ZNF529: variants seen among roughly 807,000 people sequenced by gnomAD.
The protein encoded by ZNF529 is zinc finger protein 529.
Under a neutral mutation model 10.1 loss-of-function variants are expected in ZNF529, and 11 were observed. The observed-to-expected ratio is 1.09, with a 90% CI of 0.69 to 1.81. ZNF529 has a LOEUF of 1.81. Among genes scored for constraint, ZNF529 ranks in the 40% most tolerant of loss-of-function variants. The pLI is 0.00. For synonymous variants in ZNF529, 204 were observed against 215.7 expected (o/e 0.95, Z 0.47); for missense variants, 624 against 666.8 (o/e 0.94, Z 0.71).
intron 1 of ZNF529, among the ~76,000 whole-genome samples, chr19:36,595,601 G>C (rs1358216876): frequency 2.0e-5 from 3 of 151,766 alleles, no homozygotes; most frequent in Admixed American, 6.6e-5. Flanking sequence ...TGGAGGTTGA[G>C]CTACTTGAAC....
chr19:36,553,667 T>C (rs1312772061), intron 4 of ZNF529, among the ~76,000 whole-genome samples: 3 of 152,226 alleles, frequency 2.0e-5, no homozygotes, highest in Non-Finnish European at 2.9e-5. Context: ...TTAACGATTA[T>C]AACAAATCAG....
At chr19:36,593,915 C>T (rs2036782377) in intron 1 of ZNF529, 3 of 152,108 alleles carry the variant, frequency 2.0e-5, no homozygotes, top group Non-Finnish European at 4.4e-5. Flanking sequence ...TGCCTCTCAG[C>T]TTCCAAAATC....
intron 2 of ZNF529, among the ~76,000 whole-genome samples, chr19:36,563,422 C>CAA (rs34934234): frequency 1.3e-3 from 165 of 129,806 alleles, no homozygotes; most frequent in East Asian, 5.4e-3. Context: ...GATTGTGTCT[C>CAA]AAAAAAAAAA....
At chr19:36,582,915 T>G (rs1230419640) in intron 2 of ZNF529, among the ~76,000 whole-genome samples, 1 of 152,120 alleles carries the variant, frequency 6.6e-6, no homozygotes. Flanking sequence ...CTATAGACAG[T>G]AAAATGATAA....
chr19:36,596,968 G>T (rs2036852015), intron 1 of ZNF529, among the ~76,000 whole-genome samples: 1 of 151,774 alleles, frequency 6.6e-6, no homozygotes, highest in Non-Finnish European at 1.5e-5. Context: ...TGACTTCACA[G>T]GCTCAAGTGA....
chr19:36,554,879 A>G, intron 3 of ZNF529, 83 bp from the exon 4 acceptor site: 1 of 1,319,640 alleles, frequency 7.6e-7, no homozygotes, highest in Non-Finnish European at 1.0e-6. Flanking sequence ...CCTTATAGCA[A>G]GGGGATTGGA....
At chr19:36,590,766 C>T (rs2036689177) in intron 1 of ZNF529, among the ~76,000 whole-genome samples, 1 of 151,796 alleles carries the variant, frequency 6.6e-6, no homozygotes, top group Non-Finnish European at 1.5e-5. Context: ...CCCATCTCTA[C>T]TAAAAATACA....
intron 4 of ZNF529, among the ~76,000 whole-genome samples, chr19:36,551,185 A>C (rs1314948025): frequency 2.0e-5 from 3 of 152,228 alleles, no homozygotes; most frequent in Non-Finnish European, 4.4e-5. Context: ...TTTTGACAAT[A>C]CAAGAGTCAA....
chr19:36,578,352 C>T (rs1285260788), intron 2 of ZNF529, among the ~76,000 whole-genome samples: 2 of 112,776 alleles, frequency 1.8e-5, no homozygotes, highest in Admixed American at 1.3e-4. Flanking sequence ...GTTGCCCAGG[C>T]TGGAGTGCAG....
Position 36,602,052 on chromosome 19 carries a change from A to ATTT in ZNF529, c.-128+3071_-128+3073dup, listed in dbSNP as rs35443863. ...TGAGCCACTGCACCTGAACGCTACA[A>ATTT]TTTTTTTTTTTTTTTAAGATGGATT... On this transcript the variant is annotated intron_variant, in intron 1 of 4. Transcript: ENST00000585960. Among the ~76,000 whole-genome samples, 564 of 145,612 alleles carry ATTT rather than the reference A, an allele frequency of 3.9e-3. 6 individuals are homozygous for ATTT. Among genetic ancestry groups the ATTT allele is most frequent in the East Asian group, 0.028 (138 of 4,864 alleles).
chr19:36,560,721 A>G (rs2035659334), intron 2 of ZNF529, among the ~76,000 whole-genome samples: 1 of 152,214 alleles, frequency 6.6e-6, no homozygotes, highest in Non-Finnish European at 1.5e-5. Context: ...GTTATATAGG[A>G]GTAAATTTCT....
At chr19:36,566,475 C>T (rs539275349) in intron 2 of ZNF529, among the ~76,000 whole-genome samples, 1 of 151,900 alleles carries the variant, frequency 6.6e-6, no homozygotes, top group Non-Finnish European at 1.5e-5. Flanking sequence ...ATCGCTTGAG[C>T]CCAGGAGTTC....
intron 2 of ZNF529, 136 bp downstream of exon 2, chr19:36,572,197 A>G (rs1352092482): frequency 1.2e-6 from 1 of 856,540 alleles, no homozygotes; most frequent in Non-Finnish European, 1.9e-6. Flanking sequence ...CCTAATGCAT[A>G]TGTGAATATT....
chr19:36,594,884 CTT>C (rs11408279), intron 1 of ZNF529, among the ~76,000 whole-genome samples: 2 of 145,094 alleles, frequency 1.4e-5, no homozygotes, highest in Admixed American at 1.4e-4. Flanking sequence ...TTTCTTTTTT[CTT>C]TTTTTTTTTT....
In ZNF529 at chr19:36,548,276, A is replaced by G. The variant is rs552912039; in HGVS notation, c.282T>C (p.Asp94=). The part of the protein sequence containing the change: ...NETKHLSVGK[D]IIQNTGSQWE... ...ACTGAGAACCAGTGTTTTGAATAAT[A>G]TCTTTTCCTACAGATAAATGCTTAG... is the stretch of plus-strand genomic sequence containing the variant. The change falls in exon 5 of 5, where the codon GAT becomes GAC. Residue 94 remains aspartate (D), a synonymous_variant. Transcript: ENST00000591340. 10 of 1,609,184 alleles carry G rather than the reference A, an allele frequency of 6.2e-6. No homozygotes were observed. In the South Asian group the frequency reaches 1.1e-4, roughly 18 times the overall value.
intron 2 of ZNF529, among the ~76,000 whole-genome samples, chr19:36,588,234 A>G (rs531122132): frequency 1.4e-4 from 21 of 152,366 alleles, no homozygotes; most frequent in South Asian, 6.2e-4. Context: ...GGTGAATTGT[A>G]TATGAATTAT....
Position 36,583,174 on chromosome 19 carries a change from C to T in ZNF529, c.-41+6441G>A, listed in dbSNP as rs1009421160. On this transcript the variant is annotated intron_variant, in intron 2 of 4. Coordinates refer to the ZNF529 transcript ENST00000585960. ...CCAGTATCAAGTGATTCTTCTGTCT[C>T]AGCCTCCCAAGTAGCTGGGAGTACA... 7.9e-5 allele frequency among the ~76,000 whole-genome samples: 12 copies of T among 152,016 alleles called. 1 individual carries two copies. Among genetic ancestry groups the T allele is most frequent in the Non-Finnish European group, 4.4e-5 (3 of 68,018 alleles).
intron 1 of ZNF529, among the ~76,000 whole-genome samples, chr19:36,600,469 C>CTTTTTTTTTATAT (rs1568622544): frequency 1.3e-5 from 2 of 152,100 alleles, no homozygotes; most frequent in African/African-American, 4.8e-5. Context: ...GATATTCCAT[C>CTTTTTTTTTATAT]TTATATTTTT....
At chr19:36,598,226 T>C (rs1260443105) in intron 1 of ZNF529, among the ~76,000 whole-genome samples, 1 of 152,176 alleles carries the variant, frequency 6.6e-6, no homozygotes, top group Non-Finnish European at 1.5e-5. Flanking sequence ...AGACTACTTC[T>C]TGGCTGGGTG....
Sources: allele counts gnomAD v4.1 joint callset (sites outside exome capture counted in the v4.1 genomes callset), GRCh38; gene constraint gnomAD v4.1.1; transcripts MANE v1.5; gene names NCBI Gene and HGNC (gene_info 2026-07-23, HGNC 2026-07-21).